LRRC4C: variants seen among roughly 807,000 people sequenced by gnomAD.
LRRC4C encodes the protein leucine-rich repeat-containing protein 4C.
LRRC4C carries 5 observed loss-of-function variants against 33.6 expected under a neutral mutation model. The observed-to-expected ratio is 0.15, with a 90% CI of 0.08 to 0.31. LRRC4C has a LOEUF of 0.31. Ranked by LOEUF, LRRC4C falls within the 10% of genes least tolerant of loss-of-function variation. The probability of loss-of-function intolerance (pLI) is 1.00; values close to 1 mark genes in which losing one functional copy is unlikely to be tolerated. For synonymous variants in LRRC4C, 329 were observed against 302.0 expected (o/e 1.09, Z -0.93); for missense variants, 560 against 796.7 (o/e 0.70, Z 3.58).
chr11:40,734,487 C>T (rs1018510717), intron 2 of LRRC4C, among the ~76,000 whole-genome samples: 19 of 151,232 alleles, frequency 1.3e-4, no homozygotes, highest in African/African-American at 4.6e-4. Flanking sequence ...TACTTCACCA[C>T]GAGCTACACA....
intron 3 of LRRC4C, among the ~76,000 whole-genome samples, chr11:40,587,528 G>A (rs1396813173): frequency 2.3e-4 from 32 of 139,984 alleles, no homozygotes; most frequent in Non-Finnish European, 3.5e-4. Flanking sequence ...TAGGAGTGGT[G>A]AGAGAGGGCA....
intron 2 of LRRC4C, among the ~76,000 whole-genome samples, chr11:40,802,210 A>T (rs2135292517): frequency 6.6e-6 from 1 of 152,282 alleles, no homozygotes; most frequent in East Asian, 1.9e-4. Flanking sequence ...ACATTAGGAG[A>T]TGTCCTTATT....
intron 1 of LRRC4C, among the ~76,000 whole-genome samples, chr11:41,043,909 G>A (rs1046900333): frequency 6.6e-6 from 1 of 151,784 alleles, no homozygotes; most frequent in Non-Finnish European, 1.5e-5. Flanking sequence ...GATGGATAAG[G>A]TATTATAATC....
At chr11:40,572,340 A>G (rs1211685836) in intron 3 of LRRC4C, among the ~76,000 whole-genome samples, 6 of 152,330 alleles carry the variant, frequency 3.9e-5, no homozygotes, top group East Asian at 3.9e-4. Context: ...TCTGAGAGAA[A>G]GAGTAACAGC....
chr11:40,440,033 G>A (rs1465071528), intron 3 of LRRC4C, among the ~76,000 whole-genome samples: 1 of 152,170 alleles, frequency 6.6e-6, no homozygotes, highest in African/African-American at 2.4e-5. Context: ...TGACACAGTT[G>A]AACAGTTGCA....
intron 2 of LRRC4C, among the ~76,000 whole-genome samples, chr11:40,796,602 T>C (rs548843719): frequency 6.6e-6 from 1 of 151,308 alleles, no homozygotes; most frequent in Non-Finnish European, 1.5e-5. Flanking sequence ...TGATAGCTGG[T>C]TTAGGGAAAA....
chr11:40,121,929 C>G (rs1222795790), intron 6 of LRRC4C, among the ~76,000 whole-genome samples: 2 of 152,160 alleles, frequency 1.3e-5, no homozygotes, highest in African/African-American at 2.4e-5. Context: ...CCCCTGGACC[C>G]TAAGATTCCA....
chr11:40,827,837 TAAAG>T (rs1952232627), intron 2 of LRRC4C, among the ~76,000 whole-genome samples: 1 of 151,718 alleles, frequency 6.6e-6, no homozygotes, highest in Non-Finnish European at 1.5e-5. Flanking sequence ...ATCAAGTGAA[TAAAG>T]AAATACCACA....
At chr11:40,704,668 C>T (rs917683047) in intron 2 of LRRC4C, among the ~76,000 whole-genome samples, 4 of 152,080 alleles carry the variant, frequency 2.6e-5, no homozygotes, top group Admixed American at 2.0e-4. Context: ...TTAGAGTTCA[C>T]AATAATTTCT....
chr11:40,942,676 G>A (rs1958211031), intron 1 of LRRC4C, among the ~76,000 whole-genome samples: 1 of 152,180 alleles, frequency 6.6e-6, no homozygotes, highest in African/African-American at 2.4e-5. Flanking sequence ...TGTAGATAAT[G>A]TGGGATTATT....
intron 2 of LRRC4C, among the ~76,000 whole-genome samples, chr11:40,777,243 G>T (rs1423107106): frequency 6.6e-6 from 1 of 152,134 alleles, no homozygotes; most frequent in East Asian, 1.9e-4. Flanking sequence ...TGTCCAATTT[G>T]TTAAATGTTG....
At chr11:40,468,792 G>C (rs1366621764) in intron 3 of LRRC4C, among the ~76,000 whole-genome samples, 1 of 152,078 alleles carries the variant, frequency 6.6e-6, no homozygotes, top group African/African-American at 2.4e-5. Flanking sequence ...AAAAATACCA[G>C]GGAAACATTT....
intron 1 of LRRC4C, among the ~76,000 whole-genome samples, chr11:41,176,760 C>T (rs576328048): frequency 3.9e-5 from 6 of 152,036 alleles, no homozygotes; most frequent in South Asian, 2.1e-4. Context: ...CTCAGGAGTT[C>T]GAGACCAGCC....
chr11:40,681,629 G>T (rs968376145), intron 2 of LRRC4C, among the ~76,000 whole-genome samples: 1 of 152,094 alleles, frequency 6.6e-6, no homozygotes, highest in Non-Finnish European at 1.5e-5. Flanking sequence ...GCTGGGTGTT[G>T]TGGCTTACAC....
At chr11:40,750,227 C>A (rs1948614720) in intron 2 of LRRC4C, among the ~76,000 whole-genome samples, 1 of 151,850 alleles carries the variant, frequency 6.6e-6, no homozygotes, top group African/African-American at 2.4e-5. Flanking sequence ...GTCTCAAAAA[C>A]AAACAAAAAT....
chr11:40,937,601 A>ATGTGTGTGTG lies in LRRC4C; in HGVS notation c.-495-3879_-495-3878insCACACACACA, dbSNP rs1486364979. Among the ~76,000 whole-genome samples the ATGTGTGTGTG allele has an allele frequency of 7.6e-3, 868 of 114,714 alleles. 17 individuals carry two copies. Among genetic ancestry groups the ATGTGTGTGTG allele is most frequent in the African/African-American group, 0.034 (827 of 24,006 alleles). 75.3% of individuals were successfully genotyped at this position (114,714 alleles called of 152,430 possible). A position where few individuals can be genotyped will look rare whatever the true frequency, so the allele number is the denominator to read the frequency against. On this transcript the variant is annotated intron_variant, in intron 1 of 6. Coordinates refer to ENST00000528697, the MANE Select transcript of LRRC4C (RefSeq NM_001258419.2). Reference sequence around the variant, plus strand: ...TAATTCACTCTTCTTGAGTGTGTGTATATGTGTGTGTGTGTGTGTGTGTGT... The same window carrying ATGTGTGTGTG: ...TAATTCACTCTTCTTGAGTGTGTGTATGTGTGTGTGTATGTGTGTGTGTGTGTGTGTGTGT...
chr11:40,713,712 C>T lies in LRRC4C; in HGVS notation c.-406-65434G>A, dbSNP rs114386229. Among the ~76,000 whole-genome samples, 550 of 152,234 alleles carry T rather than the reference C, an allele frequency of 3.6e-3. 3 individuals are homozygous for T. Among genetic ancestry groups the T allele is most frequent in the African/African-American group, 0.011 (441 of 41,534 alleles). On this transcript the variant is annotated intron_variant, in intron 2 of 6. Coordinates refer to ENST00000528697, the MANE Select transcript of LRRC4C (RefSeq NM_001258419.2). ...AAGTAGTTTTCTTGTTTCTCCTTCTCGCTGATATAAATCTGTCTTTAATTA... is the reference window on the plus strand; with the variant it reads ...AAGTAGTTTTCTTGTTTCTCCTTCTTGCTGATATAAATCTGTCTTTAATTA...
chr11:41,197,378 C>CA (rs1350833542), intron 1 of LRRC4C, among the ~76,000 whole-genome samples: 2 of 151,978 alleles, frequency 1.3e-5, no homozygotes, highest in African/African-American at 4.8e-5. Flanking sequence ...TTATTGGGCT[C>CA]TGCAACCTGG....
chr11:41,291,316 A>C (rs1020620054), intron 1 of LRRC4C, among the ~76,000 whole-genome samples: 2 of 152,094 alleles, frequency 1.3e-5, no homozygotes, highest in African/African-American at 4.8e-5. Context: ...GTAATAAATA[A>C]AAGCTGAAAC....
Sources: gnomAD v4.1 joint callset for allele counts (sites outside exome capture counted in the v4.1 genomes callset) on GRCh38, gnomAD v4.1.1 for gene constraint, MANE v1.5 for transcripts, NCBI Gene and HGNC (gene_info 2026-07-23, HGNC 2026-07-21) for gene names.